ATF4: variants seen among roughly 807,000 people sequenced by gnomAD.
ATF4 encodes activating transcription factor 4.
Under a neutral mutation model 21.0 loss-of-function variants are expected in ATF4, and 8 were observed. The observed-to-expected ratio is 0.38, with a 90% CI of 0.22 to 0.69. The LOEUF (loss-of-function observed/expected upper bound fraction) is 0.69, where lower values mean the gene tolerates loss of function less well. Among genes scored for constraint, ATF4 ranks in the 30% least tolerant of loss-of-function variants. The pLI is 0.49. For missense variants in ATF4, 549 were observed against 425.9 expected (o/e 1.29, Z -2.54); for synonymous variants, 241 against 166.4 (o/e 1.45, Z -3.45).
rs1266483064 is a variant in ATF4, at chr22:39,521,847, G to T, written c.301G>T (p.Gly101Cys). The T allele has an allele frequency of 1.2e-6, 2 of 1,614,160 alleles. No homozygotes were observed. Among genetic ancestry groups the T allele is most frequent in the Admixed American group, 1.7e-5 (1 of 60,022 alleles). Residue 101 changes from glycine (G) to cysteine (C), a missense_variant, in exon 3 of 3, where the codon GGT (glycine) becomes TGT (cysteine). Coordinates refer to ENST00000674920, the MANE Select transcript of ATF4 (RefSeq NM_182810.3). ...LKEFDLDALLGIDDLETMPDD... is the reference protein window; with the variant it reads ...LKEFDLDALLCIDDLETMPDD... ...GGAGTTCGACTTGGATGCCCTGTTG[G>T]GTATAGATGACCTGGAAACCATGCC...
chr22:39,522,680 G>T lies in ATF4; in HGVS notation c.*78G>T. 7.6e-7 allele frequency: 1 copy of T among 1,314,802 alleles called. No homozygotes were observed. Among genetic ancestry groups the T allele is most frequent in the Non-Finnish European group, 1.0e-6 (1 of 988,086 alleles). The allele number at this position is 1,314,802 out of a possible 1,614,324, so 81.4% of individuals were successfully genotyped here. On this transcript the variant is annotated 3_prime_UTR_variant, in exon 3 of 3. Coordinates refer to ENST00000674920, the MANE Select transcript of ATF4 (RefSeq NM_182810.3). ...GTGTTCCAATAAATTATTTTGTAGG[G>T]AAAGTACTTGTGCGTTTGAATTCCT...
chr22:39,522,386 G>A lies in ATF4; in HGVS notation c.840G>A (p.Lys280=), dbSNP rs746323130. The change falls in exon 3 of 3, where the codon AAG becomes AAA. Residue 280 remains lysine (K), a synonymous_variant. Transcript: ENST00000674920. The part of the protein sequence containing the change: ...AAKVKGEKLD[K]KLKKMEQNKT... ...AAGTAAAGGGTGAGAAACTGGATAA[G>A]AAGCTGAAAAAAATGGAGCAAAACA... 5.6e-6 allele frequency: 9 copies of A among 1,612,696 alleles called. No individual in the cohort carries two copies. In the East Asian group the frequency reaches 6.7e-5, roughly 12 times the overall value.
chr22:39,521,700 G>A (rs1462830020), intron 2 of ATF4, 29 bp downstream of exon 2: 5 of 1,611,178 alleles, frequency 3.1e-6, no homozygotes, highest in Admixed American at 1.7e-5. Context: ...CATCGTCCTG[G>A]TGGGATCTAG....
At chr22:39,521,113 T>C (rs917871371) in intron 1 of ATF4, 10 of 177,250 alleles carry the variant, frequency 5.6e-5, no homozygotes, top group Non-Finnish European at 8.4e-5. Context: ...GCGGCCGCCC[T>C]GGCCGTATTT....
In ATF4 at chr22:39,522,336, C is replaced by T; in HGVS notation, c.790C>T (p.Pro264Ser). The change falls in exon 3 of 3, where the codon CCT becomes TCT. Residue 264 changes from proline (P) to serine (S), a missense_variant. Physicochemically the swap from Pro to Ser is moderately conservative, Grantham distance 74 (BLOSUM62 -1). Transcript: ENST00000674920. Reference sequence around the variant, plus strand: ...TGCCCGTCCCAAACCTTACGATCCTCCTGGAGAGAAGATGGTAGCAGCAAA... The same window carrying T: ...TGCCCGTCCCAAACCTTACGATCCTTCTGGAGAGAAGATGGTAGCAGCAAA... ...GSARPKPYDP[P>S]GEKMVAAKVK... 2.5e-6 allele frequency: 4 copies of T among 1,612,838 alleles called. No individual in the cohort carries two copies. Among genetic ancestry groups the T allele is most frequent in the Non-Finnish European group, 1.7e-6 (2 of 1,179,490 alleles).
At position 39,521,432 on chromosome 22, in the gene ATF4, C is replaced by G. The variant is rs530230780; in HGVS notation, c.-14C>G. On this transcript the variant is annotated 5_prime_UTR_variant, in exon 2 of 3. Coordinates refer to ENST00000674920, the MANE Select transcript of ATF4 (RefSeq NM_182810.3). The stretch of plus-strand genomic sequence containing the variant: ...AATTAAGCACATTCCTCGATTCCAG[C>G]AAAGCACCGCAACATGACCGAAATG... 6.6e-7 allele frequency: 1 copy of G among 1,522,272 alleles called. No homozygotes were observed. The highest frequency in any genetic ancestry group is 1.4e-5 in the African/African-American group (1 of 71,914). 94.3% of individuals were successfully genotyped at this position (1,522,272 alleles called of 1,614,324 possible).
Position 39,521,616 on chromosome 22 carries a change from C to T in ATF4, c.171C>T (p.Gly57=), listed in dbSNP as rs1263388024. 2 of 1,614,164 alleles carry T rather than the reference C, an allele frequency of 1.2e-6. No individual in the cohort carries two copies. The highest frequency in any genetic ancestry group is 2.2e-5 in the East Asian group (1 of 44,878). The change falls in exon 2 of 3, where the codon GGC becomes GGT. Residue 57 remains glycine (G), a synonymous_variant. Transcript: ENST00000674920. ...HGFSSDKAKA[G]SSEWLAVDGL... ...TCTCCAGCGACAAGGCTAAGGCGGG[C>T]TCCTCCGAATGGCTGGCTGTGGATG...
Position 39,522,304 on chromosome 22 carries a change from G to T in ATF4, c.758G>T (p.Cys253Phe), listed in dbSNP as rs750409615. 3.7e-6 allele frequency: 6 copies of T among 1,611,722 alleles called. No homozygotes were observed. The African/African-American group carries it at 5.4e-5, about 14-fold the overall frequency. Residue 253 changes from cysteine to phenylalanine, a missense_variant, in exon 3 of 3, where the codon TGT (cysteine) becomes TTT (phenylalanine). By Grantham distance (205) the Cys-to-Phe change is radical. Coordinates refer to ENST00000674920, the MANE Select transcript of ATF4 (RefSeq NM_182810.3). ...AGCCTCCCATCTCCAGGTGTTCTCT[G>T]TGGGTCTGCCCGTCCCAAACCTTAC... ...NRSLPSPGVL[C>F]GSARPKPYDP...
chr22:39,521,251 T>A, intron 1 of ATF4, 103 bp from the exon 2 acceptor site: 2 of 480,630 alleles, frequency 4.2e-6, no homozygotes, highest in Non-Finnish European at 7.4e-6. Context: ...TGTTCCCGAT[T>A]CTCTAGATGG....
chr22:39,522,577 C>A lies in ATF4; in HGVS notation c.1031C>A (p.Ala344Glu). 1 of 1,543,378 alleles carries A rather than the reference C, an allele frequency of 6.5e-7. No homozygotes were observed. The highest frequency in any genetic ancestry group is 8.7e-7 in the Non-Finnish European group (1 of 1,150,082). ...LKDLIEEVRK[A>E]RGKKRVP ...GATTTGATAGAAGAGGTCCGCAAGGCAAGGGGGAAGAAAAGGGTCCCCTAG... is the reference window on the plus strand; with the variant it reads ...GATTTGATAGAAGAGGTCCGCAAGGAAAGGGGGAAGAAAAGGGTCCCCTAG... The change falls in exon 3 of 3, where the codon GCA becomes GAA. Residue 344 changes from alanine to glutamate, a missense_variant. Physicochemically the swap from Ala to Glu is moderately radical, Grantham distance 107. Coordinates refer to ENST00000674920, the MANE Select transcript of ATF4 (RefSeq NM_182810.3).
In ATF4 at chr22:39,522,400, T is replaced by G; in HGVS notation, c.854T>G (p.Met285Arg). ...AAACTGGATAAGAAGCTGAAAAAAA[T>G]GGAGCAAAACAAGACAGCAGCCACT... ...GEKLDKKLKKMEQNKTAATRY... is the reference protein window; with the variant it reads ...GEKLDKKLKKREQNKTAATRY... Residue 285 changes from methionine (M) to arginine (R), a missense_variant, in exon 3 of 3, where the codon ATG becomes AGG. Coordinates refer to ENST00000674920, the MANE Select transcript of ATF4 (RefSeq NM_182810.3). 1 of 1,611,900 alleles carries G rather than the reference T, an allele frequency of 6.2e-7. No individual in the cohort carries two copies. The highest frequency in any genetic ancestry group is 8.5e-7 in the Non-Finnish European group (1 of 1,179,194).
chr22:39,521,414 C>T lies in ATF4; in HGVS notation c.-32C>T, dbSNP rs1930935273. 7 of 1,505,608 alleles carry T rather than the reference C, an allele frequency of 4.6e-6. No individual in the cohort carries two copies. Among genetic ancestry groups the T allele is most frequent in the African/African-American group, 1.4e-5 (1 of 71,554 alleles). The allele number at this position is 1,505,608 out of a possible 1,614,324, so 93.3% of individuals were successfully genotyped here. A position where few individuals can be genotyped will look rare whatever the true frequency, so the allele number is the denominator to read the frequency against. On this transcript the variant is annotated 5_prime_UTR_variant, in exon 2 of 3. Coordinates refer to ENST00000674920, the MANE Select transcript of ATF4 (RefSeq NM_182810.3). The stretch of plus-strand genomic sequence containing the variant: ...CCGACAAAGACACCTTCGAATTAAG[C>T]ACATTCCTCGATTCCAGCAAAGCAC...
rs376351770 is a variant in ATF4, at chr22:39,521,441, G to T, written c.-5G>T. The T allele has an allele frequency of 3.3e-6, 5 of 1,530,180 alleles. No individual in the cohort carries two copies. Among genetic ancestry groups the T allele is most frequent in the African/African-American group, 1.4e-5 (1 of 71,980 alleles). 94.8% of individuals were successfully genotyped at this position (1,530,180 alleles called of 1,614,324 possible). On this transcript the variant is annotated 5_prime_UTR_variant, in exon 2 of 3. Coordinates refer to ENST00000674920, the MANE Select transcript of ATF4 (RefSeq NM_182810.3). ...CATTCCTCGATTCCAGCAAAGCACC[G>T]CAACATGACCGAAATGAGCTTCCTG... is the stretch of plus-strand genomic sequence containing the variant.
In ATF4 at chr22:39,522,330, G is replaced by C. The variant is rs746575830; in HGVS notation, c.784G>C (p.Asp262His). The change falls in exon 3 of 3, where the codon GAT becomes CAT. Residue 262 changes from aspartate (D) to histidine (H), a missense_variant. Coordinates refer to ENST00000674920, the MANE Select transcript of ATF4 (RefSeq NM_182810.3). Reference sequence around the variant, plus strand: ...TGGGTCTGCCCGTCCCAAACCTTACGATCCTCCTGGAGAGAAGATGGTAGC... The same window carrying C: ...TGGGTCTGCCCGTCCCAAACCTTACCATCCTCCTGGAGAGAAGATGGTAGC... ...LCGSARPKPYDPPGEKMVAAK... is the reference protein window; with the variant it reads ...LCGSARPKPYHPPGEKMVAAK... 6.2e-7 allele frequency: 1 copy of C among 1,612,684 alleles called. No individual in the cohort carries two copies. Among genetic ancestry groups the C allele is most frequent in the Admixed American group, 1.7e-5 (1 of 59,786 alleles).
rs746998189 is a variant in ATF4, at chr22:39,522,669, T to C, written c.*67T>C. ...GCTGTAGCTGTGTGTTCCAATAAAT[T>C]ATTTTGTAGGGAAAGTACTTGTGCG... is the stretch of plus-strand genomic sequence containing the variant. On this transcript the variant is annotated 3_prime_UTR_variant, in exon 3 of 3. Coordinates refer to ENST00000674920, the MANE Select transcript of ATF4 (RefSeq NM_182810.3). 1 of 1,362,786 alleles carries C rather than the reference T, an allele frequency of 7.3e-7. No homozygotes were observed. Among genetic ancestry groups the C allele is most frequent in the Non-Finnish European group, 9.7e-7 (1 of 1,027,640 alleles). 84.4% of individuals were successfully genotyped at this position (1,362,786 alleles called of 1,614,324 possible). A position where few individuals can be genotyped will look rare whatever the true frequency, so the allele number is the denominator to read the frequency against.
At position 39,522,621 on chromosome 22, in the gene ATF4, G is replaced by T. The variant is rs753343637; in HGVS notation, c.*19G>T. The T allele has an allele frequency of 3.3e-6, 5 of 1,515,548 alleles. No individual in the cohort carries two copies. The Admixed American group carries it at 1.2e-4, about 35-fold the overall frequency. The allele number at this position is 1,515,548 out of a possible 1,614,324, so 93.9% of individuals were successfully genotyped here. On this transcript the variant is annotated 3_prime_UTR_variant, in exon 3 of 3. Transcript: ENST00000674920. ...CCCCTAGTTGAGGATAGTCAGGAGC[G>T]TCAATGTGCTTGTACATAGAGTGCT...
chr22:39,521,437 C>G lies in ATF4; in HGVS notation c.-9C>G, dbSNP rs369962392. 1 of 1,526,728 alleles carries G rather than the reference C, an allele frequency of 6.5e-7. No individual in the cohort carries two copies. Among genetic ancestry groups the G allele is most frequent in the East Asian group, 2.3e-5 (1 of 43,956 alleles). 94.6% of individuals were successfully genotyped at this position (1,526,728 alleles called of 1,614,324 possible). A position where few individuals can be genotyped will look rare whatever the true frequency, so the allele number is the denominator to read the frequency against. ...AGCACATTCCTCGATTCCAGCAAAG[C>G]ACCGCAACATGACCGAAATGAGCTT... is the stretch of plus-strand genomic sequence containing the variant. On this transcript the variant is annotated 5_prime_UTR_variant, in exon 2 of 3. Transcript: ENST00000674920.
At position 39,522,097 on chromosome 22, in the gene ATF4, G is replaced by A. The variant is rs765835344; in HGVS notation, c.551G>A (p.Ser184Asn). The A allele has an allele frequency of 1.9e-6, 3 of 1,614,004 alleles. No individual in the cohort carries two copies. The highest frequency in any genetic ancestry group is 1.7e-5 in the Admixed American group (1 of 60,024). ...CATTCCTTTAGTTTAGAGCTGGGCA[G>A]TGAAGTGGATATCACTGAAGGAGAT... ...PDHSFSLELG[S>N]EVDITEGDRK... Residue 184 changes from serine to asparagine, a missense_variant, in exon 3 of 3, where the codon AGT becomes AAT. By Grantham distance (46) the Ser-to-Asn change is conservative. Coordinates refer to ENST00000674920, the MANE Select transcript of ATF4 (RefSeq NM_182810.3).
At position 39,521,561 on chromosome 22, in the gene ATF4, A is replaced by C. The variant is rs1384016955; in HGVS notation, c.116A>C (p.Glu39Ala). ...ESLGLLDDYLEVAKHFKPHGF... is the reference protein window; with the variant it reads ...ESLGLLDDYLAVAKHFKPHGF... ...CTAGGTCTCTTAGATGATTACCTGG[A>C]GGTGGCCAAGCACTTCAAACCTCAT... Residue 39 changes from glutamate (E) to alanine (A), a missense_variant, in exon 2 of 3, where the codon GAG becomes GCG. Physicochemically the swap from Glu to Ala is moderately radical, Grantham distance 107 (BLOSUM62 -1). Coordinates refer to ENST00000674920, the MANE Select transcript of ATF4 (RefSeq NM_182810.3). 2.5e-6 allele frequency: 4 copies of C among 1,613,496 alleles called. No homozygotes were observed. The East Asian group carries it at 8.9e-5, about 36-fold the overall frequency.
Sources: allele counts gnomAD v4.1 joint callset, GRCh38; gene constraint gnomAD v4.1.1; transcripts MANE v1.5; gene names NCBI Gene and HGNC (gene_info 2026-07-23, HGNC 2026-07-21).